Variants in AKAP13 observed in about 807,000 individuals in gnomAD.
AKAP13 encodes A-kinase anchor protein 13.
In AKAP13, 80 loss-of-function variants were observed where a neutral mutation model predicts 264.5. The ratio of observed to expected loss-of-function variants is 0.30; its 90% CI spans 0.25 to 0.36. AKAP13 has a LOEUF of 0.36. Ranked by LOEUF, AKAP13 falls within the 10% of genes least tolerant of loss-of-function variation. The pLI, the probability that AKAP13 is intolerant of heterozygous loss-of-function variation, is 1.00. For missense variants in AKAP13, 3,712 were observed against 3,435.2 expected (o/e 1.08, Z -2.01); for synonymous variants, 1,380 against 1,250.2 (o/e 1.10, Z -2.19).
In AKAP13 at chr15:85,483,654, C is replaced by A. The variant is rs191769047; in HGVS notation, c.-11-2056C>A. Among the ~76,000 whole-genome samples, 166 of 101,638 alleles carry A rather than the reference C, an allele frequency of 1.6e-3. 1 individual carries two copies. Among genetic ancestry groups the A allele is most frequent in the African/African-American group, 3.4e-3 (100 of 29,664 alleles). 66.7% of individuals were successfully genotyped at this position (101,638 alleles called of 152,430 possible). A position where few individuals can be genotyped will look rare whatever the true frequency, so the allele number is the denominator to read the frequency against. ...TCTCAAAAAAAAAAAAAAAAAAACACCAAAAAATCAGCTGGGTGTTGTGGC... is the reference window on the plus strand; with the variant it reads ...TCTCAAAAAAAAAAAAAAAAAAACAACAAAAAATCAGCTGGGTGTTGTGGC... On this transcript the variant is annotated intron_variant, in intron 1 of 36. Coordinates refer to ENST00000394518, the MANE Select transcript of AKAP13 (RefSeq NM_007200.5).
chr15:85,561,213 A>G lies in AKAP13; in HGVS notation c.663-13918A>G, dbSNP rs368976594. ...GCTGGGATTACAGGCGCCCGCCACC[A>G]CACCTGGCTAATTTTTGTATTTTTA... On this transcript the variant is annotated intron_variant, in intron 5 of 36. Transcript: ENST00000394518. 5.3e-5 allele frequency among the ~76,000 whole-genome samples: 8 copies of G among 152,142 alleles called. No homozygotes were observed. The South Asian group carries it at 1.7e-3, about 32-fold the overall frequency.
At position 85,743,663 on chromosome 15, in the gene AKAP13, T is replaced by G; in HGVS notation, c.8230T>G (p.Phe2744Val). Residue 2744 changes from phenylalanine (F) to valine (V), a missense_variant, in exon 36 of 37, where the codon TTT becomes GTT. Around this residue, in one of 3 missense-constraint regions of AKAP13, gnomAD observed 611 missense variants for 539.3 expected, o/e 1.13. Transcript: ENST00000394518. Reference sequence around the variant, plus strand: ...TCGGACACACAAAGATAAGGGGCCTTTTCACATACTGAGTTCAACCAGCCA... The same window carrying G: ...TCGGACACACAAAGATAAGGGGCCTGTTCACATACTGAGTTCAACCAGCCA... ...ISRTHKDKGPFHILSSTSQTN... is the reference protein window; with the variant it reads ...ISRTHKDKGPVHILSSTSQTN... The G allele has an allele frequency of 6.2e-7, 1 of 1,614,100 alleles. No homozygotes were observed. Among genetic ancestry groups the G allele is most frequent in the South Asian group, 1.1e-5 (1 of 91,072 alleles).
At chr15:85,448,200 G>A (rs1320103474) in intron 1 of AKAP13, among the ~76,000 whole-genome samples, 1 of 151,844 alleles carries the variant, frequency 6.6e-6, no homozygotes, top group Non-Finnish European at 1.5e-5. Context: ...CATGTCATTT[G>A]CTCACTTTTT....
intron 12 of AKAP13, among the ~76,000 whole-genome samples, chr15:85,660,860 T>A (rs1177902233): frequency 6.6e-6 from 1 of 152,226 alleles, no homozygotes; most frequent in Non-Finnish European, 1.5e-5. Context: ...GGTAAAGATT[T>A]TTTAAAAGAG....
chr15:85,572,095 T>A (rs775769599), intron 5 of AKAP13, among the ~76,000 whole-genome samples: 27 of 152,182 alleles, frequency 1.8e-4, no homozygotes, highest in Admixed American at 1.4e-3. Context: ...AATTCTCAAA[T>A]TTAATTTTGA....
Position 85,585,809 on chromosome 15 carries a change from C to G in AKAP13, c.4147C>G (p.Pro1383Ala). The change falls in exon 8 of 37, where the codon CCA becomes GCA. Residue 1383 changes from proline to alanine, a missense_variant. Pro to Ala is a conservative substitution (Grantham distance 27). This residue lies in a region of AKAP13 where 2,759 missense variants were observed against 2,411.7 expected (regional missense o/e 1.14). Coordinates refer to ENST00000394518, the MANE Select transcript of AKAP13 (RefSeq NM_007200.5). The stretch of plus-strand genomic sequence containing the variant: ...TGCTACACTGAAGATGAAGCAAGGC[C>G]CAATGACCCAGGCGGTAAGTGGCAT... ...IAATLKMKQGPMTQAINRENW... is the reference protein window; with the variant it reads ...IAATLKMKQGAMTQAINRENW... 6.2e-7 allele frequency: 1 copy of G among 1,614,032 alleles called. No homozygotes were observed. The highest frequency in any genetic ancestry group is 8.5e-7 in the Non-Finnish European group (1 of 1,179,964).
At chr15:85,633,584 C>T (rs1176423985) in intron 8 of AKAP13, among the ~76,000 whole-genome samples, 1 of 138,686 alleles carries the variant, frequency 7.2e-6, no homozygotes. Context: ...CTCTTTGTCA[C>T]CCAGGCTGGA....
intron 1 of AKAP13, among the ~76,000 whole-genome samples, chr15:85,439,298 A>G (rs1432438575): frequency 4.8e-5 from 7 of 146,752 alleles, no homozygotes; most frequent in African/African-American, 1.3e-4. Context: ...TAGAATGGCA[A>G]TCATTAAAAA....
At chr15:85,675,287 A>G (rs2084162739) in intron 14 of AKAP13, among the ~76,000 whole-genome samples, 1 of 152,214 alleles carries the variant, frequency 6.6e-6, no homozygotes, top group Non-Finnish European at 1.5e-5. Context: ...ACTTTTGCAC[A>G]AGACTCTGCC....
chr15:85,434,768 T>G (rs1443454745), intron 1 of AKAP13, among the ~76,000 whole-genome samples: 5 of 151,686 alleles, frequency 3.3e-5, no homozygotes, highest in Non-Finnish European at 5.9e-5. Flanking sequence ...GTCCTGTCTG[T>G]TAGAAGGAAA....
chr15:85,740,186 C>T (rs369036966), intron 33 of AKAP13, 36 bp from the exon 34 acceptor site: 51 of 1,612,576 alleles, frequency 3.2e-5, no homozygotes, highest in Non-Finnish European at 4.3e-5. Flanking sequence ...TTCATAAAGC[C>T]CTGAAACGAA....
At chr15:85,611,037 A>G (rs191320791) in intron 8 of AKAP13, among the ~76,000 whole-genome samples, 1 of 151,644 alleles carries the variant, frequency 6.6e-6, no homozygotes, top group Non-Finnish European at 1.5e-5. Flanking sequence ...TAGAATATTT[A>G]AATCCAGTTT....
At chr15:85,610,036 C>A (rs1446723264) in intron 8 of AKAP13, among the ~76,000 whole-genome samples, 1 of 152,072 alleles carries the variant, frequency 6.6e-6, no homozygotes, top group African/African-American at 2.4e-5. Context: ...ATTTGTATAT[C>A]TCTCATAACA....
At chr15:85,662,412 G>T in intron 12 of AKAP13, 2 of 1,614,172 alleles carry the variant, frequency 1.2e-6, no homozygotes. Flanking sequence ...CCTCTGGTGT[G>T]CAGTACTCTG....
chr15:85,615,481 T>C (rs2080896626), intron 8 of AKAP13, among the ~76,000 whole-genome samples: 1 of 152,226 alleles, frequency 6.6e-6, no homozygotes, highest in South Asian at 2.1e-4. Flanking sequence ...CTCTCAAATA[T>C]TCATTTGTCT....
chr15:85,625,205 T>C (rs2151430271), intron 8 of AKAP13, among the ~76,000 whole-genome samples: 1 of 152,354 alleles, frequency 6.6e-6, no homozygotes, highest in African/African-American at 2.4e-5. Context: ...TTCACTTTCC[T>C]ACCCATTTAG....
At chr15:85,474,970 A>G (rs1165165702) in intron 1 of AKAP13, among the ~76,000 whole-genome samples, 1 of 152,120 alleles carries the variant, frequency 6.6e-6, no homozygotes, top group Non-Finnish European at 1.5e-5. Context: ...CATTCCTAAC[A>G]GGTCTCGCAT....
intron 19 of AKAP13, among the ~76,000 whole-genome samples, chr15:85,712,700 C>T (rs1044750315): frequency 6.6e-6 from 1 of 152,154 alleles, no homozygotes; most frequent in Non-Finnish European, 1.5e-5. Flanking sequence ...TGAGCCACCA[C>T]ACCCAGCTAA....
Position 85,449,848 on chromosome 15 carries a change from A to G in AKAP13, c.-11-35862A>G, listed in dbSNP as rs117738640. Among the ~76,000 whole-genome samples the G allele has an allele frequency of 8.8e-3, 1,341 of 152,202 alleles. 8 individuals carry two copies. The highest frequency in any genetic ancestry group is 0.013 in the Non-Finnish European group (885 of 67,968). ...TTTTATTGAGGATTTTTGCACTGAT[A>G]TTCATCAAGGATATTGGCCTGAAGT... is the stretch of plus-strand genomic sequence containing the variant. On this transcript the variant is annotated intron_variant, in intron 1 of 36. Coordinates refer to ENST00000394518, the MANE Select transcript of AKAP13 (RefSeq NM_007200.5).
Sources: allele counts gnomAD v4.1 joint callset (sites outside exome capture counted in the v4.1 genomes callset), GRCh38; gene constraint gnomAD v4.1.1; regional missense constraint gnomAD v4.1.1; transcripts MANE v1.5; gene names NCBI Gene and HGNC (gene_info 2026-07-23, HGNC 2026-07-21).